The following NRDC variants were observed in gnomAD, a reference collection of about 807,000 sequenced individuals.
NRDC encodes nardilysin.
In NRDC, 54 loss-of-function variants were observed where a neutral mutation model predicts 147.1. The observed-to-expected ratio is 0.37, with a 90% CI of 0.29 to 0.46. The LOEUF is 0.46. Ranked by LOEUF, NRDC falls within the 20% of genes least tolerant of loss-of-function variation. NRDC has a pLI of 1.00. For missense variants in NRDC, 1,082 were observed against 1,370.6 expected (o/e 0.79, Z 3.33); for synonymous variants, 440 against 482.1 (o/e 0.91, Z 1.14).
intron 1 of NRDC, among the ~76,000 whole-genome samples, chr1:51,867,042 A>G (rs1359978333): frequency 6.6e-6 from 1 of 152,158 alleles, no homozygotes; most frequent in Non-Finnish European, 1.5e-5. Context: ...TGATGCGATC[A>G]TAGCTTACTG....
intron 1 of NRDC, among the ~76,000 whole-genome samples, chr1:51,858,163 T>C (rs909522041): frequency 6.6e-6 from 1 of 152,190 alleles, no homozygotes; most frequent in African/African-American, 2.4e-5. Flanking sequence ...AATATTTTTA[T>C]TGCTTTATTA....
At chr1:51,846,904 C>T (rs2149230380) in intron 1 of NRDC, among the ~76,000 whole-genome samples, 1 of 152,338 alleles carries the variant, frequency 6.6e-6, no homozygotes, top group Non-Finnish European at 1.5e-5. Context: ...CTGAGCTAGA[C>T]ACAAAAGTTC....
At chr1:51,859,856 T>C (rs991072472) in intron 1 of NRDC, 9 of 155,900 alleles carry the variant, frequency 5.8e-5, no homozygotes, top group Admixed American at 1.3e-4. Context: ...AGCATAAAAA[T>C]TGGCATGAAG....
rs570155903 is a variant in NRDC, at chr1:51,793,178, C to G, written c.2776-754G>C. ...TGCTCTCTGAGAAAGGATATGGTTTCCAAAAGGGAACAGTTTGTATTAGAA... is the reference window on the plus strand; with the variant it reads ...TGCTCTCTGAGAAAGGATATGGTTTGCAAAAGGGAACAGTTTGTATTAGAA... On this transcript the variant is annotated intron_variant, in intron 24 of 30. Transcript: ENST00000352171. Among the ~76,000 whole-genome samples the G allele has an allele frequency of 2.6e-5, 4 of 152,334 alleles. No homozygotes were observed. In the East Asian group the frequency reaches 7.7e-4, roughly 29 times the overall value.
intron 25 of NRDC, 44 bp from the exon 26 acceptor site, chr1:51,792,142 G>A (rs74975071): frequency 1.2e-6 from 2 of 1,609,904 alleles, no homozygotes; most frequent in African/African-American, 2.7e-5. Flanking sequence ...CCTCCCAGCA[G>A]AGAAACCTCC....
chr1:51,800,792 A>T (rs1679157208), intron 20 of NRDC, 109 bp from the exon 21 acceptor site: 1 of 1,051,970 alleles, frequency 9.5e-7, no homozygotes. Context: ...GGAACTAGGC[A>T]TTGTGGGGGG....
intron 1 of NRDC, among the ~76,000 whole-genome samples, chr1:51,853,093 G>A (rs1040806798): frequency 5.3e-5 from 8 of 151,886 alleles, no homozygotes; most frequent in Non-Finnish European, 7.4e-5. Context: ...ATGTGGTGGC[G>A]TGTGCCTGTA....
At chr1:51,811,240 T>C (rs1415081862) in intron 15 of NRDC, among the ~76,000 whole-genome samples, 1 of 152,206 alleles carries the variant, frequency 6.6e-6, no homozygotes, top group Non-Finnish European at 1.5e-5. Flanking sequence ...TATGCTAAAA[T>C]ATCTCAAGGA....
chr1:51,836,249 A>G (rs1335430322), intron 2 of NRDC, 37 bp from the exon 3 acceptor site: 2 of 1,600,124 alleles, frequency 1.2e-6, no homozygotes, highest in Non-Finnish European at 1.7e-6. Flanking sequence ...AGTTGAGTCA[A>G]CCCTAAAGGA....
intron 1 of NRDC, 86 bp downstream of exon 1, chr1:51,878,189 G>A: frequency 6.8e-7 from 1 of 1,468,952 alleles, no homozygotes; most frequent in Non-Finnish European, 9.2e-7. Flanking sequence ...TGCTCCATTG[G>A]GAGACATGGA....
chr1:51,873,457 T>C (rs939948456), intron 1 of NRDC, among the ~76,000 whole-genome samples: 4 of 151,588 alleles, frequency 2.6e-5, no homozygotes, highest in African/African-American at 9.7e-5. Flanking sequence ...ACCCACCCAT[T>C]ATTTTCTATA....
intron 1 of NRDC, among the ~76,000 whole-genome samples, chr1:51,856,200 C>T (rs534898277): frequency 1.3e-5 from 2 of 152,196 alleles, no homozygotes; most frequent in African/African-American, 4.8e-5. Context: ...CTAGGAAAAA[C>T]TCTCAAACGG....
chr1:51,866,708 A>G (rs1332001640), intron 1 of NRDC, among the ~76,000 whole-genome samples: 1 of 151,752 alleles, frequency 6.6e-6, no homozygotes, highest in Non-Finnish European at 1.5e-5. Context: ...AAAAAAAAAG[A>G]TTATGAGACA....
At chr1:51,792,779 TG>T (rs1678715782) in intron 24 of NRDC, among the ~76,000 whole-genome samples, 1 of 152,216 alleles carries the variant, frequency 6.6e-6, no homozygotes, top group African/African-American at 2.4e-5. Flanking sequence ...TTGGGGATCC[TG>T]AAATGTATCT....
chr1:51,828,849 G>T (rs1329528891), intron 4 of NRDC, among the ~76,000 whole-genome samples: 1 of 151,588 alleles, frequency 6.6e-6, no homozygotes, highest in African/African-American at 2.4e-5. Context: ...CTCCGAAGTA[G>T]CTGAGACTAG....
intron 13 of NRDC, 53 bp downstream of exon 13, chr1:51,814,498 C>T (rs945540300): frequency 5.1e-6 from 8 of 1,556,412 alleles, no homozygotes; most frequent in East Asian, 4.5e-5. Context: ...CAGCCTGAAG[C>T]CTCAAATATA....
chr1:51,857,488 G>A (rs187771313), intron 1 of NRDC, among the ~76,000 whole-genome samples: 1 of 152,310 alleles, frequency 6.6e-6, no homozygotes, highest in Admixed American at 6.5e-5. Flanking sequence ...GTTTTCAACA[G>A]ATGTCATGCC....
At chr1:51,838,714 T>C (rs554782964) in intron 2 of NRDC, among the ~76,000 whole-genome samples, 75 of 152,278 alleles carry the variant, frequency 4.9e-4, no homozygotes, top group African/African-American at 1.7e-3. Flanking sequence ...CCAGGTTTCC[T>C]GACTGTCAGT....
intron 1 of NRDC, among the ~76,000 whole-genome samples, chr1:51,864,967 T>A (rs1284948727): frequency 2.0e-5 from 3 of 148,062 alleles, no homozygotes; most frequent in East Asian, 2.0e-4. Context: ...AAAAAAAAAA[T>A]TAGATTTCTT....
Sources: gnomAD v4.1 joint callset for allele counts (sites outside exome capture counted in the v4.1 genomes callset) on GRCh38, gnomAD v4.1.1 for gene constraint, MANE v1.5 for transcripts, NCBI Gene and HGNC (gene_info 2026-07-23, HGNC 2026-07-21) for gene names.